Variants in LINC00305 observed in about 807,000 individuals in gnomAD.
LINC00305 encodes the protein long independently transcribed non-coding RNA 305.
chr18:64,116,442 A>G (rs1237819439), intron 1 of LINC00305, among the ~76,000 whole-genome samples: 1 of 152,212 alleles, frequency 6.6e-6, no homozygotes, highest in Non-Finnish European at 1.5e-5. Flanking sequence ...AAGAATATTT[A>G]TTTCATAAGA....
intron 1 of LINC00305, among the ~76,000 whole-genome samples, chr18:64,146,263 G>C (rs2051497535): frequency 6.6e-6 from 1 of 152,136 alleles, no homozygotes; most frequent in African/African-American, 2.4e-5. Flanking sequence ...TACAAAGAAA[G>C]CTAATTTGTT....
intron 3 of LINC00305, among the ~76,000 whole-genome samples, chr18:64,096,262 T>C (rs564843645): frequency 1.6e-3 from 237 of 152,094 alleles, no homozygotes; most frequent in African/African-American, 5.5e-3. Flanking sequence ...GTATGCATAT[T>C]AGTTTTTCCC....
At chr18:64,146,605 C>CG (rs1259907787) in intron 1 of LINC00305, among the ~76,000 whole-genome samples, 1 of 152,180 alleles carries the variant, frequency 6.6e-6, no homozygotes, top group African/African-American at 2.4e-5. Context: ...CTCCCACCAG[C>CG]GGGGCTTCTG....
At chr18:64,112,085 G>A (rs2051316954) in intron 1 of LINC00305, among the ~76,000 whole-genome samples, 1 of 152,118 alleles carries the variant, frequency 6.6e-6, no homozygotes, top group African/African-American at 2.4e-5. Flanking sequence ...GGATCAGCAT[G>A]CGTGTGACAG....
intron 1 of LINC00305, among the ~76,000 whole-genome samples, chr18:64,145,011 C>T (rs544089504): frequency 6.6e-6 from 1 of 152,258 alleles, no homozygotes; most frequent in Admixed American, 6.5e-5. Context: ...CTTGCCACGG[C>T]TCTTCTAGGC....
chr18:64,144,308 T>C (rs917534116), intron 1 of LINC00305, among the ~76,000 whole-genome samples: 3 of 152,230 alleles, frequency 2.0e-5, no homozygotes. Context: ...GATGTTCACA[T>C]CCTAATCTCT....
chr18:64,141,526 G>A (rs1012673132), intron 1 of LINC00305, among the ~76,000 whole-genome samples: 2 of 152,176 alleles, frequency 1.3e-5, no homozygotes, highest in Non-Finnish European at 2.9e-5. Context: ...TAATGTTTAA[G>A]TCTCAATTCC....
intron 3 of LINC00305, among the ~76,000 whole-genome samples, chr18:64,096,137 A>C (rs951229969): frequency 6.6e-5 from 10 of 152,074 alleles, no homozygotes; most frequent in Non-Finnish European, 1.3e-4. Context: ...AATAGACTTA[A>C]GAAGCAAGTG....
At chr18:64,116,365 TTA>T (rs1599219299) in intron 1 of LINC00305, among the ~76,000 whole-genome samples, 1 of 152,202 alleles carries the variant, frequency 6.6e-6, no homozygotes, top group African/African-American at 2.4e-5. Flanking sequence ...AAAAATTATG[TTA>T]TGTTTGCTCC....
intron 1 of LINC00305, among the ~76,000 whole-genome samples, chr18:64,119,414 TTAAA>T (rs1454048925): frequency 6.6e-6 from 1 of 152,172 alleles, no homozygotes; most frequent in Non-Finnish European, 1.5e-5. Context: ...AGCATATTTG[TTAAA>T]TAATGTATTG....
intron 1 of LINC00305, among the ~76,000 whole-genome samples, chr18:64,130,918 A>G (rs565311207): frequency 8.5e-5 from 13 of 152,312 alleles, no homozygotes; most frequent in Non-Finnish European, 1.9e-4. Flanking sequence ...AAGACCTTTC[A>G]TACCATCCTA....
intron 1 of LINC00305, among the ~76,000 whole-genome samples, chr18:64,102,336 C>G (rs1457195452): frequency 6.6e-6 from 1 of 152,132 alleles, no homozygotes; most frequent in East Asian, 1.9e-4. Flanking sequence ...GCATTTTAAT[C>G]TCCTACCTTT....
chr18:64,122,831 G>A (rs2051368092), intron 1 of LINC00305, among the ~76,000 whole-genome samples: 2 of 151,938 alleles, frequency 1.3e-5, no homozygotes, highest in South Asian at 2.1e-4. Flanking sequence ...AGCAGGAGAT[G>A]TTTTTCCATT....
In LINC00305 at chr18:64,128,359, G is replaced by C. The variant is rs562686978; in HGVS notation, n.314+20416C>G. On this transcript the variant is annotated intron_variant and non_coding_transcript_variant, in intron 1 of 3. Transcript: ENST00000666468. The stretch of plus-strand genomic sequence containing the variant: ...TCTGTGACACCATCACCTGCCACCT[G>C]TCACCTGTCACCTCCAGGTCACAAT... Among the ~76,000 whole-genome samples, 8 of 148,926 alleles carry C rather than the reference G, an allele frequency of 5.4e-5. No individual in the cohort carries two copies. In the East Asian group the frequency reaches 8.0e-4, roughly 15 times the overall value.
chr18:64,133,262 GT>G (rs2144270220), intron 1 of LINC00305, among the ~76,000 whole-genome samples: 1 of 152,286 alleles, frequency 6.6e-6, no homozygotes, highest in East Asian at 1.9e-4. Flanking sequence ...AGGACATATA[GT>G]TTGGGGAGGA....
intron 1 of LINC00305, among the ~76,000 whole-genome samples, chr18:64,144,891 C>G (rs760795478): frequency 1.3e-5 from 2 of 152,066 alleles, no homozygotes; most frequent in Non-Finnish European, 2.9e-5. Context: ...CCCAGAAAAG[C>G]AGATGTTCAT....
chr18:64,123,551 A>G (rs1285259093), intron 1 of LINC00305, among the ~76,000 whole-genome samples: 5 of 152,002 alleles, frequency 3.3e-5, no homozygotes, highest in Non-Finnish European at 7.4e-5. Flanking sequence ...CAGTACCTCA[A>G]TACATATTCT....
intron 1 of LINC00305, among the ~76,000 whole-genome samples, chr18:64,133,946 G>A (rs1279461289): frequency 6.6e-6 from 1 of 152,072 alleles, no homozygotes; most frequent in African/African-American, 2.4e-5. Flanking sequence ...ATATAAAATA[G>A]TAAATACTTG....
intron 1 of LINC00305, among the ~76,000 whole-genome samples, chr18:64,112,074 C>T (rs1203426859): frequency 2.0e-5 from 3 of 152,084 alleles, no homozygotes; most frequent in South Asian, 2.1e-4. Context: ...GCTTATTTCT[C>T]GGATCAGCAT....
Sources: allele counts gnomAD v4.1 joint callset (sites outside exome capture counted in the v4.1 genomes callset), GRCh38; gene constraint gnomAD v4.1.1; transcripts MANE v1.5; gene names NCBI Gene and HGNC (gene_info 2026-07-23, HGNC 2026-07-21).